NOD1: variants seen among roughly 807,000 people sequenced by gnomAD.
NOD1 encodes the protein nucleotide-binding oligomerization domain-containing protein 1.
A neutral mutation model predicts 81.2 loss-of-function variants in NOD1; 70 were observed. The observed-to-expected ratio is 0.86, with a 90% CI of 0.71 to 1.05. NOD1 has a LOEUF of 1.05. Among genes scored for constraint, NOD1 ranks in the 50% least tolerant of loss-of-function variants. The pLI, the probability that NOD1 is intolerant of heterozygous loss-of-function variation, is 0.00. For missense variants in NOD1, 1,233 were observed against 1,228.0 expected, an observed-to-expected ratio of 1.00 and a Z score of -0.06; for synonymous variants, 508 against 526.9, an observed-to-expected ratio of 0.96 and a Z score of 0.49.
chr7:30,429,111 G>A lies in NOD1; in HGVS notation c.2789+263C>T, dbSNP rs1783718397. On this transcript the variant is annotated intron_variant, in intron 13 of 13. Transcript: ENST00000222823. ...CATCCCACCCAATGAAGGTAGATGA[G>A]GGCGGGGGCCCAGGGCAGGAGAGCA... 2.6e-5 allele frequency among the ~76,000 whole-genome samples: 4 copies of A among 152,240 alleles called. 1 individual carries two copies. In the South Asian group the frequency reaches 8.3e-4, roughly 31 times the overall value.
rs541711197 is a variant in NOD1 at position 30,452,842 on chromosome 7, T to C, written c.575A>G (p.Asn192Ser). 47 of 1,614,114 alleles carry C rather than the reference T, an allele frequency of 2.9e-5. No homozygotes were observed. The South Asian group carries it at 3.4e-4, about 12-fold the overall frequency. ...GATGAAGATGGTCTCACCCTGCTCA[T>C]TGAGGATGCCGGTGGTGTGGTCCAG... Reference protein sequence around the residue: ...CLLDHTTGILNEQGETIFILG... With the variant: ...CLLDHTTGILSEQGETIFILG... Residue 192 changes from asparagine (N) to serine (S), a missense_variant, in exon 6 of 14, where the codon AAT becomes AGT. Transcript: ENST00000222823.
At chr7:30,439,056 G>C (rs1784636101) in intron 9 of NOD1, among the ~76,000 whole-genome samples, 2 of 152,202 alleles carry the variant, frequency 1.3e-5, no homozygotes, top group African/African-American at 4.8e-5. Context: ...ACACTCATTA[G>C]GATGGGTACT....
At chr7:30,477,495 T>C (rs1242557437) in intron 1 of NOD1, among the ~76,000 whole-genome samples, 2 of 152,148 alleles carry the variant, frequency 1.3e-5, no homozygotes, top group African/African-American at 4.8e-5. Flanking sequence ...GACTTCTGGC[T>C]TCACCGTTTT....
In NOD1 at chr7:30,452,588, G is replaced by T. The variant is rs1300973051; in HGVS notation, c.829C>A (p.His277Asn). ...CCATCGAAGGTGAAGAGGGCCACGT[G>T]GGGGAAGCGCAGCAGGAAGGCAAAC... ...EVFAFLLRFP[H>N]VALFTFDGLD... The change falls in exon 6 of 14, where the codon CAC becomes AAC. Residue 277 changes from histidine (H) to asparagine (N), a missense_variant. His to Asn is a moderately conservative substitution (Grantham distance 68). Transcript: ENST00000222823. The T allele has an allele frequency of 3.7e-6, 6 of 1,613,426 alleles. No homozygotes were observed. Among genetic ancestry groups the T allele is most frequent in the Admixed American group, 1.7e-5 (1 of 60,010 alleles).
Position 30,452,857 on chromosome 7 carries a change from G to T in NOD1, c.560C>A (p.Thr187Asn). 1 of 1,614,142 alleles carries T rather than the reference G, an allele frequency of 6.2e-7. No individual in the cohort carries two copies. Among genetic ancestry groups the T allele is most frequent in the Non-Finnish European group, 8.5e-7 (1 of 1,180,020 alleles). Reference protein sequence around the residue: ...LNSLACLLDHTTGILNEQGET... With the variant: ...LNSLACLLDHNTGILNEQGET... The stretch of plus-strand genomic sequence containing the variant: ...ACCCTGCTCATTGAGGATGCCGGTG[G>T]TGTGGTCCAGGAGGCAGGCCAGGCT... Residue 187 changes from threonine (T) to asparagine (N), a missense_variant, in exon 6 of 14, where the codon ACC (threonine) becomes AAC (asparagine). By Grantham distance (65) the Thr-to-Asn change is moderately conservative. Coordinates refer to ENST00000222823, the MANE Select transcript of NOD1 (RefSeq NM_006092.4).
chr7:30,432,288 A>C (rs927579313), intron 12 of NOD1, among the ~76,000 whole-genome samples: 1 of 152,184 alleles, frequency 6.6e-6, no homozygotes, highest in South Asian at 2.1e-4. Flanking sequence ...AAATGGGCAA[A>C]GGATATGGAG....
chr7:30,452,548 T>G lies in NOD1; in HGVS notation c.869A>C (p.His290Pro). Residue 290 changes from histidine (H) to proline (P), a missense_variant, in exon 6 of 14, where the codon CAC becomes CCC. Coordinates refer to ENST00000222823, the MANE Select transcript of NOD1 (RefSeq NM_006092.4). ...CACGCGGCTCAGGTCCAAGTCCGAG[T>G]GCAGCTCGTCCAGGCCATCGAAGGT... The part of the protein sequence containing the change: ...LFTFDGLDEL[H>P]SDLDLSRVPD... 6.2e-7 allele frequency: 1 copy of G among 1,613,094 alleles called. No individual in the cohort carries two copies. The highest frequency in any genetic ancestry group is 8.5e-7 in the Non-Finnish European group (1 of 1,179,932).
chr7:30,475,530 C>T (rs534922287), intron 1 of NOD1, among the ~76,000 whole-genome samples: 33 of 152,280 alleles, frequency 2.2e-4, no homozygotes, highest in Non-Finnish European at 3.4e-4. Context: ...TACAAAATTG[C>T]CTTGTTGGCT....
rs547466394 is a variant in NOD1 at position 30,446,618 on chromosome 7, TGCGCAGGGCAC to T, written c.2369+338_2369+348del. The T allele has an allele frequency of 5.1e-4, 197 of 388,760 alleles. 1 individual carries two copies. Among genetic ancestry groups the T allele is most frequent in the African/African-American group, 3.7e-3 (180 of 49,020 alleles). The allele number at this position is 388,760 out of a possible 1,614,324, so 24.1% of individuals were successfully genotyped here. ...CCAAGCCTGGCGCACTGTCACCCCC[TGCGCAGGGCAC>T]ACCTACAGCAGGGCAAGGGCCCAAG... On this transcript the variant is annotated intron_variant, in intron 8 of 13. Transcript: ENST00000222823.
chr7:30,474,070 T>C (rs1035442577), intron 1 of NOD1, among the ~76,000 whole-genome samples: 20 of 152,300 alleles, frequency 1.3e-4, no homozygotes, highest in Admixed American at 1.0e-3. Flanking sequence ...TTTCATTTAA[T>C]CAAATCAAGC....
intron 1 of NOD1, among the ~76,000 whole-genome samples, chr7:30,468,052 T>C (rs1380178059): frequency 6.6e-6 from 1 of 152,148 alleles, no homozygotes; most frequent in Non-Finnish European, 1.5e-5. Context: ...GGTATTACCA[T>C]TAAGCCTAGT....
At position 30,452,578 on chromosome 7, in the gene NOD1, A is replaced by T. The variant is rs1252625620; in HGVS notation, c.839T>A (p.Leu280His). 6.2e-7 allele frequency: 1 copy of T among 1,613,342 alleles called. No homozygotes were observed. The highest frequency in any genetic ancestry group is 2.2e-5 in the East Asian group (1 of 44,890). The stretch of plus-strand genomic sequence containing the variant: ...CTCGTCCAGGCCATCGAAGGTGAAG[A>T]GGGCCACGTGGGGGAAGCGCAGCAG... ...AFLLRFPHVA[L>H]FTFDGLDELH... is the part of the protein sequence containing the mutation. The change falls in exon 6 of 14, where the codon CTC becomes CAC. Residue 280 changes from leucine to histidine, a missense_variant. By Grantham distance (99) the Leu-to-His change is moderately conservative (BLOSUM62 -3). Transcript: ENST00000222823.
intron 1 of NOD1, among the ~76,000 whole-genome samples, chr7:30,470,691 AT>A (rs760677285): frequency 7.2e-5 from 11 of 152,344 alleles, no homozygotes; most frequent in Non-Finnish European, 1.2e-4. Context: ...TTGGTACTTA[AT>A]CACCTACTGC....
chr7:30,460,631 CAG>C, intron 1 of NOD1: 1 of 985,442 alleles, frequency 1.0e-6, no homozygotes, highest in Non-Finnish European at 1.2e-6. Flanking sequence ...AAAAATGAAG[CAG>C]AGGAGATCGG....
intron 4 of NOD1, 109 bp from the exon 5 acceptor site, chr7:30,455,420 G>A (rs1786249209): frequency 2.6e-6 from 2 of 766,718 alleles, no homozygotes; most frequent in African/African-American, 3.5e-5. Flanking sequence ...AGTACAGCCG[G>A]TAGCTATGCC....
Position 30,450,593 on chromosome 7 carries a change from G to T in NOD1, c.2201+623C>A, listed in dbSNP as rs1785589320. On this transcript the variant is annotated intron_variant, in intron 6 of 13. Transcript: ENST00000222823. The stretch of plus-strand genomic sequence containing the variant: ...TTTTAACTGAGGTCTCTAGCAGTGT[G>T]AAGGGCTGCTAGCGTTGATCACAGA... Among the ~76,000 whole-genome samples the T allele has an allele frequency of 3.9e-5, 6 of 152,344 alleles. No individual in the cohort carries two copies. The South Asian group carries it at 1.2e-3, about 32-fold the overall frequency.
In NOD1 at chr7:30,448,287, G is replaced by A. The variant is rs369269480; in HGVS notation, c.2285+11C>T. On this transcript the variant is annotated intron_variant, in intron 7 of 13. Coordinates refer to ENST00000222823, the MANE Select transcript of NOD1 (RefSeq NM_006092.4). ...TAGGTAGTTGGCCCAGTGTTCTGGA[G>A]AAAGACATACCCCAAATAGGTCACA... 8 of 1,608,090 alleles carry A rather than the reference G, an allele frequency of 5.0e-6. No individual in the cohort carries two copies. In the African/African-American group the frequency reaches 9.4e-5, roughly 19 times the overall value.
At chr7:30,438,913 A>G (rs1157472924) in intron 9 of NOD1, among the ~76,000 whole-genome samples, 1 of 152,222 alleles carries the variant, frequency 6.6e-6, no homozygotes, top group East Asian at 1.9e-4. Context: ...TTTTCTGAGA[A>G]GATAATTTTT....
intron 9 of NOD1, 100 bp downstream of exon 9, chr7:30,446,041 A>G (rs762114488): frequency 4.5e-6 from 4 of 883,904 alleles, no homozygotes; most frequent in Non-Finnish European, 7.6e-6. Flanking sequence ...AGCGAGCCCC[A>G]GTGGTCCTTC....
Sources: gnomAD v4.1 joint callset for allele counts (sites outside exome capture counted in the v4.1 genomes callset) on GRCh38, gnomAD v4.1.1 for gene constraint, MANE v1.5 for transcripts, NCBI Gene and HGNC (gene_info 2026-07-23, HGNC 2026-07-21) for gene names.